ME1: variants seen among roughly 807,000 people sequenced by gnomAD.
The protein encoded by ME1 is NADP-dependent malic enzyme.
In ME1, 74 loss-of-function variants were observed where a neutral mutation model predicts 66.4. The observed-to-expected ratio is 1.11, with a 90% confidence interval of 0.92 to 1.35. The LOEUF is 1.35. Ranked by LOEUF, ME1 falls within the 40% of genes most tolerant of loss-of-function variation. The pLI, the probability that ME1 is intolerant of heterozygous loss-of-function variation, is 0.00. For missense variants in ME1, 750 were observed against 694.1 expected (o/e 1.08, Z -0.90); for synonymous variants, 251 against 235.6 (o/e 1.07, Z -0.60).
chr6:83,251,589 C>T (rs901765142), intron 7 of ME1, among the ~76,000 whole-genome samples: 2 of 152,010 alleles, frequency 1.3e-5, no homozygotes, highest in East Asian at 1.9e-4. Flanking sequence ...GGAATTGACC[C>T]AGACCCAGAA....
chr6:83,286,135 CAG>C (rs2128533972), intron 6 of ME1, among the ~76,000 whole-genome samples: 1 of 152,214 alleles, frequency 6.6e-6, no homozygotes, highest in African/African-American at 2.4e-5. Flanking sequence ...GCTCTGGAGC[CAG>C]AGAGTCTGGA....
chr6:83,241,536 G>A (rs1283386652), intron 7 of ME1, among the ~76,000 whole-genome samples: 1 of 152,044 alleles, frequency 6.6e-6, no homozygotes, highest in Non-Finnish European at 1.5e-5. Context: ...TATATTTAAA[G>A]ATATATTTCA....
chr6:83,239,436 A>G, intron 8 of ME1, 103 bp downstream of exon 8: 1 of 738,520 alleles, frequency 1.4e-6, no homozygotes, highest in East Asian at 2.5e-5. Flanking sequence ...CAGTCATAAT[A>G]TACTAAAAAT....
intron 6 of ME1, among the ~76,000 whole-genome samples, chr6:83,259,662 A>G (rs1018377392): frequency 6.6e-6 from 1 of 152,206 alleles, no homozygotes; most frequent in Non-Finnish European, 1.5e-5. Flanking sequence ...GAACCATTCA[A>G]ATTCAATTCT....
rs754350171 is a variant in ME1, at chr6:83,216,567, G to A, written c.1479C>T (p.His493=). ...EVIAQQVSDK[H]LEEGRLYPPL... is the part of the protein sequence containing the mutation. The stretch of plus-strand genomic sequence containing the variant: ...GAGGATAAAGCCGACCCTCTTCCAA[G>A]TGTTTATCTGACACTTGCTGAGCTA... The change falls in exon 13 of 14, where the codon CAC becomes CAT. Residue 493 remains histidine (H), a synonymous_variant. Coordinates refer to ENST00000369705, the MANE Select transcript of ME1 (RefSeq NM_002395.6). 2 of 1,610,052 alleles carry A rather than the reference G, an allele frequency of 1.2e-6. No individual in the cohort carries two copies. The highest frequency in any genetic ancestry group is 2.2e-5 in the South Asian group (2 of 90,320).
chr6:83,430,987 C>G lies in ME1; in HGVS notation c.-33G>C. 7.2e-7 allele frequency: 1 copy of G among 1,386,218 alleles called. No individual in the cohort carries two copies. The highest frequency in any genetic ancestry group is 9.5e-7 in the Non-Finnish European group (1 of 1,050,932). The allele number at this position is 1,386,218 out of a possible 1,614,324, so 85.9% of individuals were successfully genotyped here. A position where few individuals can be genotyped will look rare whatever the true frequency, so the allele number is the denominator to read the frequency against. ...GCCGGGTTCGGCGGCGGGGTCAGGC[C>G]GGGGCGGGCCGCACGCGCGGTGCAG... On this transcript the variant is annotated 5_prime_UTR_variant, in exon 1 of 14. Coordinates refer to ENST00000369705, the MANE Select transcript of ME1 (RefSeq NM_002395.6).
At chr6:83,370,891 C>G (rs1562492662) in intron 3 of ME1, among the ~76,000 whole-genome samples, 1 of 152,014 alleles carries the variant, frequency 6.6e-6, no homozygotes, top group Admixed American at 6.6e-5. Context: ...CAGAATGACT[C>G]CATGCTTTTA....
intron 5 of ME1, among the ~76,000 whole-genome samples, chr6:83,345,382 A>G (rs1768667116): frequency 6.6e-6 from 1 of 152,260 alleles, no homozygotes; most frequent in Admixed American, 6.5e-5. Context: ...GGTTAAAAAC[A>G]TAACTGTTTA....
chr6:83,310,737 G>C (rs1462131234), intron 6 of ME1, among the ~76,000 whole-genome samples: 1 of 151,950 alleles, frequency 6.6e-6, no homozygotes, highest in Non-Finnish European at 1.5e-5. Flanking sequence ...TAACTATAAG[G>C]ACAATGGGAA....
intron 6 of ME1, among the ~76,000 whole-genome samples, chr6:83,283,577 T>G (rs1464293213): frequency 1.3e-5 from 2 of 151,828 alleles, no homozygotes; most frequent in Non-Finnish European, 2.9e-5. Context: ...ATCCCAGAAC[T>G]TAAAATAAAA....
chr6:83,359,300 G>A (rs905687658), intron 3 of ME1, among the ~76,000 whole-genome samples: 52 of 152,276 alleles, frequency 3.4e-4, no homozygotes, highest in East Asian at 1.9e-4. Flanking sequence ...CAAAAGTCCC[G>A]GCAGGCCCCT....
chr6:83,341,901 A>G (rs921672009), intron 5 of ME1, among the ~76,000 whole-genome samples: 1 of 152,170 alleles, frequency 6.6e-6, no homozygotes, highest in Non-Finnish European at 1.5e-5. Flanking sequence ...TTTGCATAGG[A>G]GTGTAACTTT....
intron 5 of ME1, among the ~76,000 whole-genome samples, chr6:83,327,803 T>C (rs1335242859): frequency 3.9e-5 from 6 of 152,130 alleles, no homozygotes. Context: ...TAATAAAAAC[T>C]TGCTGGTTTT....
rs530315349 is a variant in ME1, at chr6:83,283,155, G to A, written c.705-29417C>T. 6.3e-3 allele frequency among the ~76,000 whole-genome samples: 905 copies of A among 143,714 alleles called. 10 individuals carry two copies. The highest frequency in any genetic ancestry group is 0.023 in the African/African-American group (857 of 37,958). The allele number at this position is 143,714 out of a possible 152,430, so 94.3% of individuals were successfully genotyped here. A position where few individuals can be genotyped will look rare whatever the true frequency, so the allele number is the denominator to read the frequency against. Reference sequence around the variant, plus strand: ...AGGCAGGAGAATGGCGTGAACCCGGGAGGCGGAGCTTGCAGTGAGCCGAGA... The same window carrying A: ...AGGCAGGAGAATGGCGTGAACCCGGAAGGCGGAGCTTGCAGTGAGCCGAGA... On this transcript the variant is annotated intron_variant, in intron 6 of 13. Transcript: ENST00000369705.
intron 4 of ME1, among the ~76,000 whole-genome samples, chr6:83,348,732 T>A (rs1362570511): frequency 6.6e-6 from 1 of 150,526 alleles, no homozygotes; most frequent in African/African-American, 2.4e-5. Context: ...ACGCTTATAA[T>A]CCCAGCACAC....
At chr6:83,396,596 T>C (rs1359282261) in intron 3 of ME1, among the ~76,000 whole-genome samples, 1 of 151,730 alleles carries the variant, frequency 6.6e-6, no homozygotes, top group East Asian at 1.9e-4. Context: ...TCCAATGACA[T>C]TTTTTCACAG....
Position 83,354,582 on chromosome 6 carries a change from A to T in ME1, c.363-2443T>A, listed in dbSNP as rs191582650. Among the ~76,000 whole-genome samples, 4 of 152,290 alleles carry T rather than the reference A, an allele frequency of 2.6e-5. No individual in the cohort carries two copies. The East Asian group carries it at 7.7e-4, about 29-fold the overall frequency. ...TTCAGCTAAAATCTTGGCTCCTCAG[A>T]CAGGCCTTCTCTGATAACAGTAGTC... On this transcript the variant is annotated intron_variant, in intron 3 of 13. Transcript: ENST00000369705.
intron 6 of ME1, among the ~76,000 whole-genome samples, chr6:83,272,435 T>C (rs772195250): frequency 5.3e-5 from 8 of 152,166 alleles, no homozygotes; most frequent in South Asian, 2.1e-4. Context: ...ACTTTAATTG[T>C]ATCTAAAAAC....
At chr6:83,415,327 T>C (rs1770402019) in intron 1 of ME1, among the ~76,000 whole-genome samples, 1 of 152,188 alleles carries the variant, frequency 6.6e-6, no homozygotes, top group Admixed American at 6.5e-5. Flanking sequence ...GTCCTTTGCC[T>C]ATTCCTGAAT....
Sources: allele counts gnomAD v4.1 joint callset (sites outside exome capture counted in the v4.1 genomes callset), GRCh38; gene constraint gnomAD v4.1.1; transcripts MANE v1.5; gene names NCBI Gene and HGNC (gene_info 2026-07-23, HGNC 2026-07-21).